ZNF385C: variants seen among roughly 807,000 people sequenced by gnomAD.
ZNF385C encodes zinc finger protein 385C, also known as CTD-2132N18.2.
A neutral mutation model predicts 35.4 loss-of-function variants in ZNF385C; 28 were observed. The observed-to-expected ratio is 0.79, with a 90% CI of 0.59 to 1.08. ZNF385C has a LOEUF of 1.08. ZNF385C is among the 50% of genes least tolerant of loss of function. The probability of loss-of-function intolerance (pLI) is 0.00; values close to 1 mark genes in which losing one functional copy is unlikely to be tolerated. For synonymous variants in ZNF385C, 248 were observed against 248.2 expected (o/e 1.00, Z 0.01); for missense variants, 605 against 595.6 (o/e 1.02, Z -0.16).
At chr17:42,051,956 CAAAT>C (rs1555657146) in intron 2 of ZNF385C, among the ~76,000 whole-genome samples, 1 of 152,202 alleles carries the variant, frequency 6.6e-6, no homozygotes, top group Non-Finnish European at 1.5e-5. Flanking sequence ...TGGCTACACT[CAAAT>C]GAAGGGAGAT....
chr17:42,031,282 G>A (rs1036556646), intron 5 of ZNF385C, among the ~76,000 whole-genome samples: 73 of 152,028 alleles, frequency 4.8e-4, no homozygotes, highest in African/African-American at 1.7e-3. Flanking sequence ...CAATCCTCCC[G>A]CCTCAGCCTC....
chr17:42,027,067 G>A lies in ZNF385C; in HGVS notation c.1342C>T (p.Pro448Ser), dbSNP rs1440082872. The A allele has an allele frequency of 6.2e-7, 1 of 1,610,718 alleles. No homozygotes were observed. The highest frequency in any genetic ancestry group is 8.5e-7 in the Non-Finnish European group (1 of 1,178,428). The change falls in exon 9 of 9, where the codon CCC (proline) becomes TCC (serine). Residue 448 changes from proline (P) to serine (S), a missense_variant. Pro to Ser is a moderately conservative substitution (Grantham distance 74). Coordinates refer to ENST00000692273, the MANE Select transcript of ZNF385C (RefSeq NM_001392013.1). ...LAARFLPSPL[P>S]TAATAICALP... ...GCACAGATGGCAGTGGCTGCGGTGG[G>A]GAGCGGGCTGGGCAGGAAGCGGGCT...
rs561004643 is a variant in ZNF385C at position 42,047,124 on chromosome 17, C to T, written c.251-9239G>A. 3.5e-3 allele frequency among the ~76,000 whole-genome samples: 529 copies of T among 151,716 alleles called. 6 individuals carry two copies. Among genetic ancestry groups the T allele is most frequent in the African/African-American group, 0.012 (481 of 41,370 alleles). Reference sequence around the variant, plus strand: ...TCGGCTCACTGCAAACCCCACCTCCCGGGTTCACGCCATTCTCCTGCCTCA... The same window carrying T: ...TCGGCTCACTGCAAACCCCACCTCCTGGGTTCACGCCATTCTCCTGCCTCA... On this transcript the variant is annotated intron_variant, in intron 2 of 8. Coordinates refer to ENST00000692273, the MANE Select transcript of ZNF385C (RefSeq NM_001392013.1).
intron 1 of ZNF385C, among the ~76,000 whole-genome samples, chr17:42,093,456 T>C (rs1259171890): frequency 1.3e-5 from 2 of 152,188 alleles, no homozygotes; most frequent in Non-Finnish European, 2.9e-5. Context: ...CCCAGGCCTA[T>C]GACCCTGGGC....
chr17:42,047,810 T>C (rs151297488), intron 2 of ZNF385C, among the ~76,000 whole-genome samples: 1,555 of 151,922 alleles, frequency 0.01, 29 homozygotes, highest in African/African-American at 0.036. Flanking sequence ...CGCACCACCA[T>C]GCCCAGCTAA....
At chr17:42,085,690 T>C (rs934010839) in intron 1 of ZNF385C, among the ~76,000 whole-genome samples, 1 of 151,140 alleles carries the variant, frequency 6.6e-6, no homozygotes, top group African/African-American at 2.4e-5. Context: ...CTCTGCCCTC[T>C]GAGTTCAAGC....
intron 1 of ZNF385C, among the ~76,000 whole-genome samples, chr17:42,071,830 C>T (rs2053627990): frequency 2.6e-5 from 4 of 152,224 alleles, no homozygotes; most frequent in Admixed American, 2.6e-4. Context: ...GGGGAGCTCC[C>T]TCAAACCCCA....
intron 1 of ZNF385C, among the ~76,000 whole-genome samples, chr17:42,084,199 TA>T (rs1262254072): frequency 3.3e-5 from 5 of 150,826 alleles, no homozygotes; most frequent in Admixed American, 3.3e-4. Context: ...AAAAAATAGC[TA>T]GGCATGGTGG....
At chr17:42,072,857 C>A (rs781962940) in intron 1 of ZNF385C, among the ~76,000 whole-genome samples, 1 of 152,154 alleles carries the variant, frequency 6.6e-6, no homozygotes, top group Non-Finnish European at 1.5e-5. Flanking sequence ...ATCCCGCCTA[C>A]CCCGGCTGAC....
At chr17:42,039,794 G>A (rs2143635657) in intron 2 of ZNF385C, 2 of 1,232,262 alleles carry the variant, frequency 1.6e-6, no homozygotes, top group East Asian at 3.2e-5. Context: ...TGCAGCGGGG[G>A]CCCATCCACT....
intron 1 of ZNF385C, among the ~76,000 whole-genome samples, chr17:42,086,571 G>A (rs1415997327): frequency 8.6e-5 from 13 of 151,204 alleles, no homozygotes; most frequent in East Asian, 4.0e-4. Flanking sequence ...CCATGGTGGC[G>A]TGCGCCTGTC....
chr17:42,091,014 G>A (rs1206814131), intron 1 of ZNF385C, among the ~76,000 whole-genome samples: 1 of 152,200 alleles, frequency 6.6e-6, no homozygotes, highest in Non-Finnish European at 1.5e-5. Context: ...GAGTAAATCA[G>A]TGTCACTGGG....
intron 8 of ZNF385C, 103 bp downstream of exon 8, chr17:42,027,515 G>T: frequency 1.0e-6 from 1 of 976,826 alleles, no homozygotes. Context: ...TCATTGCAGG[G>T]TGGCCTCTTT....
chr17:42,072,454 A>C (rs2053638079), intron 1 of ZNF385C, among the ~76,000 whole-genome samples: 2 of 152,178 alleles, frequency 1.3e-5, no homozygotes, highest in African/African-American at 4.8e-5. Flanking sequence ...AGAACCACCT[A>C]AGTGCTGAGC....
intron 1 of ZNF385C, among the ~76,000 whole-genome samples, chr17:42,079,324 G>C (rs1408090415): frequency 2.0e-5 from 3 of 146,392 alleles, no homozygotes; most frequent in Non-Finnish European, 4.5e-5. Context: ...GATTGAGGCT[G>C]CAGTGAGCCA....
chr17:42,038,435 G>T (rs1013417713), intron 2 of ZNF385C: 1 of 204,114 alleles, frequency 4.9e-6, no homozygotes, highest in Non-Finnish European at 9.7e-6. Context: ...GGCCTAAACT[G>T]CTTCCCCCAG....
intron 2 of ZNF385C, chr17:42,040,094 C>T: frequency 3.2e-6 from 4 of 1,231,288 alleles, no homozygotes; most frequent in African/African-American, 1.5e-5. Context: ...GGAGCAAAGC[C>T]GCGCAGCAGC....
At chr17:42,087,692 G>A (rs1198103185) in intron 1 of ZNF385C, among the ~76,000 whole-genome samples, 5 of 152,176 alleles carry the variant, frequency 3.3e-5, no homozygotes, top group Admixed American at 2.0e-4. Context: ...TTGGGAATCC[G>A]AGACAGGAGG....
chr17:42,028,632 C>G lies in ZNF385C; in HGVS notation c.967+151G>C. 5.0e-6 allele frequency: 5 copies of G among 998,402 alleles called. No homozygotes were observed. In the East Asian group the frequency reaches 7.9e-5, roughly 16 times the overall value. The allele number at this position is 998,402 out of a possible 1,614,324, so 61.8% of individuals were successfully genotyped here. A position where few individuals can be genotyped will look rare whatever the true frequency, so the allele number is the denominator to read the frequency against. On this transcript the variant is annotated intron_variant, in intron 6 of 8. Coordinates refer to ENST00000692273, the MANE Select transcript of ZNF385C (RefSeq NM_001392013.1). The stretch of plus-strand genomic sequence containing the variant: ...CTTCCCCAAGGAGTAATGGGAGGAC[C>G]CAGAAACGTCCGTTCAGTAACACAC...
Sources: gnomAD v4.1 joint callset for allele counts (sites outside exome capture counted in the v4.1 genomes callset) on GRCh38, gnomAD v4.1.1 for gene constraint, MANE v1.5 for transcripts, NCBI Gene and HGNC (gene_info 2026-07-23, HGNC 2026-07-21) for gene names.